Variants in WRN observed in about 807,000 individuals in gnomAD.
The protein encoded by WRN is bifunctional 3'-5' exonuclease/ATP-dependent helicase WRN.
WRN carries 149 observed loss-of-function variants against 180.7 expected under a neutral mutation model. The ratio of observed to expected loss-of-function variants is 0.82; its 90% confidence interval spans 0.72 to 0.94. The LOEUF (loss-of-function observed/expected upper bound fraction) is 0.94. WRN is among the 40% of genes least tolerant of loss of function. The pLI is 0.00. For synonymous variants in WRN, 548 were observed against 568.9 expected (o/e 0.96, Z 0.52); for missense variants, 1,661 against 1,700.1 (o/e 0.98, Z 0.40).
chr8:31,072,068 G>A (rs1464544628), intron 7 of WRN, among the ~76,000 whole-genome samples: 1 of 152,208 alleles, frequency 6.6e-6, no homozygotes, highest in Non-Finnish European at 1.5e-5. Context: ...GACAGTTTGA[G>A]TTAAGAGAGT....
intron 11 of WRN, among the ~76,000 whole-genome samples, chr8:31,086,016 T>C (rs963113407): frequency 6.6e-6 from 1 of 152,104 alleles, no homozygotes; most frequent in Non-Finnish European, 1.5e-5. Context: ...ATTATTGAGA[T>C]TGAAAATACT....
intron 12 of WRN, 55 bp downstream of exon 12, chr8:31,087,975 T>C: frequency 6.3e-7 from 1 of 1,586,256 alleles, no homozygotes; most frequent in Non-Finnish European, 8.6e-7. Context: ...CCACTGACTT[T>C]AACTTAGGAT....
chr8:31,081,367 C>G, intron 9 of WRN, 71 bp downstream of exon 9: 1 of 1,507,342 alleles, frequency 6.6e-7, no homozygotes, highest in South Asian at 1.2e-5. Flanking sequence ...CGTAAAGAGA[C>G]AGATAGTAAA....
At chr8:31,083,997 C>A (rs1051763927) in intron 10 of WRN, among the ~76,000 whole-genome samples, 2 of 151,946 alleles carry the variant, frequency 1.3e-5, no homozygotes, top group African/African-American at 4.8e-5. Context: ...TTTCCTTGTT[C>A]CTTCTTATTT....
chr8:31,113,209 A>G (rs1801385003), intron 19 of WRN, among the ~76,000 whole-genome samples: 1 of 151,500 alleles, frequency 6.6e-6, no homozygotes, highest in Non-Finnish European at 1.5e-5. Context: ...CCGTTTCAAA[A>G]AAAAAAAAAA....
chr8:31,128,774 G>C (rs565103762), intron 23 of WRN, among the ~76,000 whole-genome samples: 1 of 152,162 alleles, frequency 6.6e-6, no homozygotes, highest in Non-Finnish European at 1.5e-5. Flanking sequence ...CAGGAGAATG[G>C]TGTGAACCCA....
rs1802616411 is a variant in WRN, at chr8:31,141,302, A to T, written c.2968-128A>T. The T allele has an allele frequency of 4.3e-6, 5 of 1,165,416 alleles. No individual in the cohort carries two copies. In the East Asian group the frequency reaches 1.3e-4, roughly 30 times the overall value. The allele number at this position is 1,165,416 out of a possible 1,614,324, so 72.2% of individuals were successfully genotyped here. A position where few individuals can be genotyped will look rare whatever the true frequency, so the allele number is the denominator to read the frequency against. On this transcript the variant is annotated intron_variant, in intron 24 of 34. Coordinates refer to ENST00000298139, the MANE Select transcript of WRN (RefSeq NM_000553.6). ...GTTCAGAATGAGCACGATGGGTATA[A>T]CATTTTTGTAGGTTTTTAAAGTTGA...
At chr8:31,116,329 C>T (rs569589558) in intron 19 of WRN, 25 bp from the exon 20 acceptor site, 2 of 1,612,456 alleles carry the variant, frequency 1.2e-6, no homozygotes, top group South Asian at 1.1e-5. Flanking sequence ...TATATGTTTG[C>T]TCTTTTGTTC....
chr8:31,064,285 T>C lies in WRN; in HGVS notation c.210-4T>C. ...ATTAATTTACACTATTTTTCTCACT[T>C]TAGCATGAGTCTATCAGATGGGGAT... On this transcript the variant is annotated splice_region_variant and splice_polypyrimidine_tract_variant and intron_variant, in intron 3 of 34. Coordinates refer to ENST00000298139, the MANE Select transcript of WRN (RefSeq NM_000553.6). The C allele has an allele frequency of 6.2e-7, 1 of 1,614,048 alleles. No homozygotes were observed.
intron 8 of WRN, among the ~76,000 whole-genome samples, chr8:31,080,211 T>C (rs1585426429): frequency 6.6e-6 from 1 of 152,328 alleles, no homozygotes; most frequent in Non-Finnish European, 1.5e-5. Flanking sequence ...AGTGTTAATG[T>C]TTGTTTGTTC....
At position 31,035,940 on chromosome 8, in the gene WRN, A is replaced by G. The variant is rs558475094; in HGVS notation, c.-77+1967A>G. Among the ~76,000 whole-genome samples the G allele has an allele frequency of 1.2e-4, 18 of 152,138 alleles. No individual in the cohort carries two copies. The South Asian group carries it at 2.5e-3, about 21-fold the overall frequency. ...ATCACTTACCTATTTTTTTGTCTCT[A>G]TATAGCTCTCAAACCCTATGATATT... On this transcript the variant is annotated intron_variant, in intron 1 of 34. Transcript: ENST00000298139.
chr8:31,121,165 A>G (rs1164369186), intron 21 of WRN, among the ~76,000 whole-genome samples: 2 of 151,976 alleles, frequency 1.3e-5, no homozygotes, highest in Non-Finnish European at 2.9e-5. Context: ...ATCCGTAGGA[A>G]AAAGAATCTC....
At chr8:31,088,437 G>A (rs753867492) in intron 12 of WRN, among the ~76,000 whole-genome samples, 3 of 152,116 alleles carry the variant, frequency 2.0e-5, no homozygotes, top group African/African-American at 4.8e-5. Flanking sequence ...CGAGATTTTC[G>A]TAACTAAATT....
chr8:31,099,025 A>G (rs896625458), intron 17 of WRN, among the ~76,000 whole-genome samples: 1 of 152,008 alleles, frequency 6.6e-6, no homozygotes, highest in African/African-American at 2.4e-5. Flanking sequence ...TGAAAAAAAA[A>G]AATGAGCTGA....
chr8:31,120,541 TAAAA>T (rs368026803), intron 21 of WRN, 117 bp downstream of exon 21: 206 of 688,782 alleles, frequency 3.0e-4, no homozygotes, highest in South Asian at 4.6e-4. Flanking sequence ...GCATTTAAAG[TAAAA>T]AAAAAAAAAA....
intron 1 of WRN, among the ~76,000 whole-genome samples, chr8:31,040,900 A>G (rs1439074508): frequency 6.6e-6 from 1 of 152,018 alleles, no homozygotes; most frequent in Non-Finnish European, 1.5e-5. Context: ...ACCAGTAGAG[A>G]GGAAAAAGTT....
intron 7 of WRN, among the ~76,000 whole-genome samples, chr8:31,069,433 A>T (rs1812826769): frequency 6.6e-6 from 1 of 152,120 alleles, no homozygotes; most frequent in Non-Finnish European, 1.5e-5. Context: ...GCATCTGTGG[A>T]TTCAACCAAC....
chr8:31,070,512 G>T (rs572536267), intron 7 of WRN, among the ~76,000 whole-genome samples: 2 of 151,940 alleles, frequency 1.3e-5, no homozygotes, highest in East Asian at 3.9e-4. Flanking sequence ...AGCATTTTAC[G>T]ATATGGGAAT....
chr8:31,095,047 A>T (rs915953654), intron 16 of WRN, among the ~76,000 whole-genome samples: 1 of 152,176 alleles, frequency 6.6e-6, no homozygotes, highest in Non-Finnish European at 1.5e-5. Flanking sequence ...GAGTGATTGT[A>T]TCATGGGATA....
Sources: gnomAD v4.1 joint callset for allele counts (sites outside exome capture counted in the v4.1 genomes callset) on GRCh38, gnomAD v4.1.1 for gene constraint, MANE v1.5 for transcripts, NCBI Gene and HGNC (gene_info 2026-07-23, HGNC 2026-07-21) for gene names.